NUDCD3: variants seen among roughly 807,000 people sequenced by gnomAD.
The protein encoded by NUDCD3 is NudC domain containing 3, also known as nudC domain-containing protein 3.
Under a neutral mutation model 39.7 loss-of-function variants are expected in NUDCD3, and 13 were observed. The observed-to-expected ratio is 0.33, with a 90% CI of 0.21 to 0.52. The LOEUF is 0.52. Ranked by LOEUF, NUDCD3 falls within the 20% of genes least tolerant of loss-of-function variation. NUDCD3 has a pLI of 0.96. For missense variants in NUDCD3, 453 were observed against 458.1 expected, an observed-to-expected ratio of 0.99 and a Z score of 0.10; for synonymous variants, 175 against 172.4, an observed-to-expected ratio of 1.02 and a Z score of -0.12.
At chr7:44,427,041 G>T (rs1452901296) in intron 3 of NUDCD3, among the ~76,000 whole-genome samples, 1 of 152,118 alleles carries the variant, frequency 6.6e-6, no homozygotes, top group African/African-American at 2.4e-5. Flanking sequence ...TGTCTAATTT[G>T]AGTTTATTAG....
rs72065068 is a variant in NUDCD3, at chr7:44,440,496, G to GAAAAAAAAAAA, written c.510-12804_510-12794dup. 1.2e-3 allele frequency among the ~76,000 whole-genome samples: 57 copies of GAAAAAAAAAAA among 48,400 alleles called. 2 individuals carry two copies. Among genetic ancestry groups the GAAAAAAAAAAA allele is most frequent in the Non-Finnish European group, 1.9e-3 (46 of 24,708 alleles). 31.8% of individuals were successfully genotyped at this position (48,400 alleles called of 152,430 possible). A position where few individuals can be genotyped will look rare whatever the true frequency, so the allele number is the denominator to read the frequency against. ...AACTAGTGAGAAAACCAGAAAAATT[G>GAAAAAAAAAAA]AAAAAAAAAAAAAAAAAAAAGCCTG... On this transcript the variant is annotated intron_variant, in intron 2 of 5. Coordinates refer to ENST00000355451, the MANE Select transcript of NUDCD3 (RefSeq NM_015332.4).
intron 3 of NUDCD3, among the ~76,000 whole-genome samples, chr7:44,407,271 A>G (rs958424610): frequency 6.8e-6 from 1 of 146,356 alleles, no homozygotes; most frequent in Non-Finnish European, 1.5e-5. Flanking sequence ...TTTTGTATTA[A>G]AAAAAAAAAA....
Position 44,429,145 on chromosome 7 carries a change from G to A in NUDCD3, c.510-1442C>T, listed in dbSNP as rs568064163. Among the ~76,000 whole-genome samples the A allele has an allele frequency of 1.7e-3, 259 of 152,362 alleles. 2 individuals carry two copies. The Middle Eastern group carries it at 0.024, about 14-fold the overall frequency. ...GCCCTGCACACTGTCTATGCATGAAGCTGGGCCTCCACCACGGCCTGAGTC... is the reference window on the plus strand; with the variant it reads ...GCCCTGCACACTGTCTATGCATGAAACTGGGCCTCCACCACGGCCTGAGTC... On this transcript the variant is annotated intron_variant, in intron 2 of 5. Coordinates refer to ENST00000355451, the MANE Select transcript of NUDCD3 (RefSeq NM_015332.4).
intron 2 of NUDCD3, among the ~76,000 whole-genome samples, chr7:44,463,255 T>C (rs958327480): frequency 3.3e-5 from 5 of 152,076 alleles, no homozygotes; most frequent in African/African-American, 4.8e-5. Flanking sequence ...AAAACACATA[T>C]GTAACTCCAC....
chr7:44,406,945 G>T (rs1190461556), intron 3 of NUDCD3, among the ~76,000 whole-genome samples: 1 of 152,146 alleles, frequency 6.6e-6, no homozygotes, highest in African/African-American at 2.4e-5. Context: ...GCAAGGCCAG[G>T]GGCACATGTG....
At chr7:44,413,513 C>T (rs1348436831) in intron 3 of NUDCD3, among the ~76,000 whole-genome samples, 1 of 152,100 alleles carries the variant, frequency 6.6e-6, no homozygotes, top group Non-Finnish European at 1.5e-5. Flanking sequence ...AGAAAATGGG[C>T]AAAAGATATA....
rs375774867 is a variant in NUDCD3 at position 44,427,618 on chromosome 7, G to T, written c.595C>A (p.Leu199Met). 1.2e-5 allele frequency: 19 copies of T among 1,613,736 alleles called. No individual in the cohort carries two copies. The highest frequency in any genetic ancestry group is 2.2e-5 in the South Asian group (2 of 91,042). Residue 199 changes from leucine (L) to methionine (M), a missense_variant, in exon 3 of 6, where the codon CTG (leucine) becomes ATG (methionine). Transcript: ENST00000355451. Reference protein sequence around the residue: ...NYTWSQDYTDLEVRVPVPKHV... With the variant: ...NYTWSQDYTDMEVRVPVPKHV... ...TTGGGTACTGGCACCCTGACCTCCA[G>T]GTCAGTATAGTCCTGTGACCAGGTG... is the stretch of plus-strand genomic sequence containing the variant.
chr7:44,423,365 GATGAC>G (rs534163540), intron 3 of NUDCD3, among the ~76,000 whole-genome samples: 173 of 152,288 alleles, frequency 1.1e-3, no homozygotes, highest in African/African-American at 3.8e-3. Flanking sequence ...TCTGTTTGCA[GATGAC>G]ATGATCGTAC....
At chr7:44,410,060 C>T (rs1714138928) in intron 3 of NUDCD3, among the ~76,000 whole-genome samples, 2 of 152,132 alleles carry the variant, frequency 1.3e-5, no homozygotes, top group East Asian at 1.9e-4. Flanking sequence ...CACTATTAAG[C>T]ATACCAACAT....
chr7:44,458,141 A>G (rs1799938555), intron 2 of NUDCD3, among the ~76,000 whole-genome samples: 2 of 152,366 alleles, frequency 1.3e-5, no homozygotes, highest in South Asian at 4.1e-4. Context: ...AGTAAAAGGA[A>G]TGAAGTACTG....
intron 3 of NUDCD3, among the ~76,000 whole-genome samples, chr7:44,414,533 G>C (rs1270277232): frequency 6.6e-6 from 1 of 152,206 alleles, no homozygotes; most frequent in African/African-American, 2.4e-5. Flanking sequence ...AAAAATATTT[G>C]TTGAAATATC....
intron 2 of NUDCD3, among the ~76,000 whole-genome samples, chr7:44,431,917 C>T (rs1342138152): frequency 6.6e-6 from 1 of 152,132 alleles, no homozygotes; most frequent in Non-Finnish European, 1.5e-5. Context: ...AGTGATCTGC[C>T]TGCCTCAGCC....
chr7:44,412,478 T>G (rs1366496904), intron 3 of NUDCD3, among the ~76,000 whole-genome samples: 2 of 152,228 alleles, frequency 1.3e-5, no homozygotes, highest in Non-Finnish European at 2.9e-5. Flanking sequence ...AACGCCTGTA[T>G]CTAATCAAAT....
chr7:44,436,088 G>T (rs1035218140), intron 2 of NUDCD3, among the ~76,000 whole-genome samples: 1 of 152,120 alleles, frequency 6.6e-6, no homozygotes, highest in African/African-American at 2.4e-5. Context: ...TTAGACCTTT[G>T]CTGGGATGCT....
chr7:44,460,116 C>T (rs1040225852), intron 2 of NUDCD3, among the ~76,000 whole-genome samples: 31 of 152,022 alleles, frequency 2.0e-4, no homozygotes, highest in Non-Finnish European at 4.3e-4. Flanking sequence ...AAGGCAGTAT[C>T]GATGTGGTAA....
In NUDCD3 at chr7:44,379,627, G is replaced by C. The variant is rs1053111956; in HGVS notation, c.*6384C>G. 1 of 152,362 alleles carries C rather than the reference G, an allele frequency of 6.6e-6. No individual in the cohort carries two copies. The highest frequency in any genetic ancestry group is 1.5e-5 in the Non-Finnish European group (1 of 68,158). The allele number at this position is 152,362 out of a possible 1,614,324, so 9.4% of individuals were successfully genotyped here. ...ATCACTTGACTTTTGGGTGTGGTTGGTGTTGCTTTAAGTTTCTGGGGATAG... is the reference window on the plus strand; with the variant it reads ...ATCACTTGACTTTTGGGTGTGGTTGCTGTTGCTTTAAGTTTCTGGGGATAG... On this transcript the variant is annotated 3_prime_UTR_variant, in exon 6 of 6. Coordinates refer to ENST00000355451, the MANE Select transcript of NUDCD3 (RefSeq NM_015332.4).
Position 44,404,575 on chromosome 7 carries a change from C to T in NUDCD3, c.651G>A (p.Val217=), listed in dbSNP as rs1798782656. The change falls in exon 4 of 6, where the codon GTG becomes GTA. Residue 217 remains valine (V), a synonymous_variant. Coordinates refer to ENST00000355451, the MANE Select transcript of NUDCD3 (RefSeq NM_015332.4). The part of the protein sequence containing the change: ...KHVVKGKQVS[V]ALSSSSIRVA... ...CACGAATGGAGCTGCTGCTAAGGGC[C>T]ACTGAGACCTGGGGACACAGCAGAA... 1.2e-6 allele frequency: 2 copies of T among 1,613,672 alleles called. No homozygotes were observed. The highest frequency in any genetic ancestry group is 1.7e-6 in the Non-Finnish European group (2 of 1,179,990).
rs748814020 is a variant in NUDCD3, at chr7:44,490,625, T to TCA, written c.-27_-26dup. 4.1e-5 allele frequency: 65 copies of TCA among 1,581,728 alleles called. No homozygotes were observed. Among genetic ancestry groups the TCA allele is most frequent in the Non-Finnish European group, 4.7e-5 (55 of 1,164,648 alleles). ...TGTCGCCTCCCGCCCTAGGTACGCT[T>TCA]CACACACACAGCGCCGCCTCAGACC... On this transcript the variant is annotated 5_prime_UTR_variant, in exon 1 of 6. Transcript: ENST00000355451.
chr7:44,484,165 A>T (rs1563191495), intron 2 of NUDCD3, among the ~76,000 whole-genome samples: 1 of 152,198 alleles, frequency 6.6e-6, no homozygotes, highest in Non-Finnish European at 1.5e-5. Context: ...GAATTTTCCA[A>T]AAAAACAAAG....
Sources: allele counts gnomAD v4.1 joint callset (sites outside exome capture counted in the v4.1 genomes callset), GRCh38; gene constraint gnomAD v4.1.1; transcripts MANE v1.5; gene names NCBI Gene and HGNC (gene_info 2026-07-23, HGNC 2026-07-21).